Variants in DOCK11 observed in about 807,000 individuals in gnomAD.
DOCK11 encodes dedicator of cytokinesis protein 11.
A neutral mutation model predicts 169.1 loss-of-function variants in DOCK11; 70 were observed. The observed-to-expected ratio is 0.41, with a 90% CI of 0.34 to 0.51. The LOEUF (loss-of-function observed/expected upper bound fraction) is 0.51. DOCK11 is among the 20% of genes least tolerant of loss of function. The pLI is 0.10. For missense variants in DOCK11, 1,166 were observed against 1,538.8 expected, an observed-to-expected ratio of 0.76 and a Z score of 4.05; for synonymous variants, 529 against 541.3, an observed-to-expected ratio of 0.98 and a Z score of 0.32.
chrX:118,647,213 A>C (rs2015700343), intron 40 of DOCK11, among the ~76,000 whole-genome samples: 1 of 105,210 alleles, frequency 9.5e-6, no homozygotes, highest in South Asian at 4.2e-4. Context: ...ATTTGTTAAA[A>C]GATGAACTTC....
chrX:118,653,605 G>A (rs1265056563), intron 42 of DOCK11, among the ~76,000 whole-genome samples: 1 of 110,784 alleles, frequency 9.0e-6, no homozygotes, highest in East Asian at 2.8e-4. Context: ...ATAGAAATGG[G>A]ATTTCACCAT....
At chrX:118,568,370 TTATATATATA>T (rs397839351) in intron 10 of DOCK11, among the ~76,000 whole-genome samples, 582 of 36,639 alleles carry the variant, frequency 0.016, 5 homozygotes, top group South Asian at 0.053. Context: ...TGGGGCTGAA[TTATATATATA>T]TATATATATA....
intron 28 of DOCK11, among the ~76,000 whole-genome samples, chrX:118,610,635 T>C (rs2014659747): frequency 8.9e-6 from 1 of 112,116 alleles, no homozygotes; most frequent in Non-Finnish European, 1.9e-5. Flanking sequence ...CTTTTGGGTA[T>C]ACATCTAAGA....
At chrX:118,514,994 C>T (rs1031962340) in intron 1 of DOCK11, among the ~76,000 whole-genome samples, 3 of 112,006 alleles carry the variant, frequency 2.7e-5, no homozygotes, top group Non-Finnish European at 5.6e-5. Flanking sequence ...CTAGGCCTCA[C>T]TCCTTCAGGA....
chrX:118,645,120 C>T (rs1439394505), intron 40 of DOCK11, among the ~76,000 whole-genome samples: 6 of 111,653 alleles, frequency 5.4e-5, no homozygotes, highest in Admixed American at 9.5e-5. Context: ...AGGGGAAAGA[C>T]TACATTTGCA....
intron 4 of DOCK11, among the ~76,000 whole-genome samples, chrX:118,544,107 T>C (rs2012148954): frequency 8.9e-6 from 1 of 112,577 alleles, no homozygotes; most frequent in Non-Finnish European, 1.9e-5. Context: ...GAGCTCACTT[T>C]TTGGCTTTAG....
Position 118,573,593 on chromosome X carries a change from A to G in DOCK11, c.1177-213A>G, listed in dbSNP as rs190289632. 4.4e-3 allele frequency among the ~76,000 whole-genome samples: 497 copies of G among 111,873 alleles called. 2 individuals carry two copies. Among genetic ancestry groups the G allele is most frequent in the African/African-American group, 0.015 (465 of 30,825 alleles). On this transcript the variant is annotated intron_variant, in intron 11 of 52. Transcript: ENST00000276202. ...TAACTTGTGAAATTATCTACACCTG[A>G]CGGAAGTTAAAATTTGATGAAGTCT...
At chrX:118,570,363 C>T (rs893473056) in intron 10 of DOCK11, among the ~76,000 whole-genome samples, 2 of 112,126 alleles carry the variant, frequency 1.8e-5, no homozygotes, top group Non-Finnish European at 1.9e-5. Context: ...ATTCTACTGT[C>T]TGAGTAACAC....
intron 1 of DOCK11, among the ~76,000 whole-genome samples, 179 bp from the exon 2 acceptor site, chrX:118,542,538 GTGTGTGTA>G (rs2012062175): frequency 9.1e-6 from 1 of 110,327 alleles, no homozygotes; most frequent in African/African-American, 3.3e-5. Flanking sequence ...GTGTGTGTGT[GTGTGTGTA>G]TGTGTTTGTG....
At chrX:118,632,998 A>T (rs1437430779) in intron 35 of DOCK11, 12 of 42,795 alleles carry the variant, frequency 2.8e-4, no homozygotes, top group Admixed American at 5.4e-4. Flanking sequence ...GGTGGGGGGG[A>T]TGGGGAAGCT....
chrX:118,614,603 C>T, intron 28 of DOCK11, 89 bp from the exon 29 acceptor site: 4 of 661,303 alleles, frequency 6.0e-6, no homozygotes, highest in East Asian at 3.6e-5. Flanking sequence ...TGTGTGGAAC[C>T]AATTTTGAAT....
chrX:118,528,095 C>T (rs747477320), intron 1 of DOCK11, among the ~76,000 whole-genome samples: 11 of 112,487 alleles, frequency 9.8e-5, no homozygotes, highest in Non-Finnish European at 1.7e-4. Flanking sequence ...CCATTGTTAT[C>T]GTAAGAGAGA....
Position 118,517,491 on chromosome X carries a change from C to T in DOCK11, c.102+21418C>T, listed in dbSNP as rs759903127. On this transcript the variant is annotated intron_variant, in intron 1 of 52. Coordinates refer to ENST00000276202, the MANE Select transcript of DOCK11 (RefSeq NM_144658.4). ...TAAAAACATTAATTCATTTATTTTACTCTGAGCATTATTATTTTTATAAAC... is the reference window on the plus strand; with the variant it reads ...TAAAAACATTAATTCATTTATTTTATTCTGAGCATTATTATTTTTATAAAC... Among the ~76,000 whole-genome samples the T allele has an allele frequency of 1.7e-4, 19 of 109,805 alleles. 1 individual carries two copies. The highest frequency in any genetic ancestry group is 9.9e-5 in the Admixed American group (1 of 10,062).
At chrX:118,631,145 C>T (rs1486405991) in intron 35 of DOCK11, among the ~76,000 whole-genome samples, 1 of 110,355 alleles carries the variant, frequency 9.1e-6, no homozygotes, top group Admixed American at 9.7e-5. Context: ...ACAGTTCCCT[C>T]CCTTCTCTTC....
At chrX:118,618,482 C>T in intron 30 of DOCK11, 68 bp from the exon 31 acceptor site, 2 of 796,867 alleles carry the variant, frequency 2.5e-6, no homozygotes, top group Non-Finnish European at 1.8e-6. Flanking sequence ...TTAAATAATA[C>T]AGTATTTTAA....
intron 1 of DOCK11, among the ~76,000 whole-genome samples, chrX:118,536,052 A>C (rs1410345915): frequency 8.9e-6 from 1 of 111,979 alleles, no homozygotes; most frequent in African/African-American, 3.2e-5. Context: ...TCATGCCAGC[A>C]CTTTGGGAGG....
intron 48 of DOCK11, among the ~76,000 whole-genome samples, chrX:118,678,416 G>C (rs2016660128): frequency 9.0e-6 from 1 of 111,108 alleles, no homozygotes; most frequent in Non-Finnish European, 1.9e-5. Flanking sequence ...AAGCATGAGA[G>C]ATTTGTAAGT....
chrX:118,583,600 G>T lies in DOCK11; in HGVS notation c.1596-1135G>T, dbSNP rs1353106012. ...TGTTTTCCATTTTAGCAGCAGAATA[G>T]TTGCTTAAAAATGGGAGAAGAGGAG... On this transcript the variant is annotated intron_variant, in intron 14 of 52. Coordinates refer to ENST00000276202, the MANE Select transcript of DOCK11 (RefSeq NM_144658.4). Among the ~76,000 whole-genome samples, 4 of 110,579 alleles carry T rather than the reference G, an allele frequency of 3.6e-5. 1 individual carries two copies. Among genetic ancestry groups the T allele is most frequent in the Admixed American group, 2.9e-4 (3 of 10,341 alleles).
At chrX:118,563,753 A>G (rs1238639504) in intron 7 of DOCK11, among the ~76,000 whole-genome samples, 1 of 104,909 alleles carries the variant, frequency 9.5e-6, no homozygotes, top group East Asian at 2.9e-4. Flanking sequence ...TATGTTGCCC[A>G]GGCTGGAGTG....
Sources: gnomAD v4.1 joint callset for allele counts (sites outside exome capture counted in the v4.1 genomes callset) on GRCh38, gnomAD v4.1.1 for gene constraint, MANE v1.5 for transcripts, NCBI Gene and HGNC (gene_info 2026-07-23, HGNC 2026-07-21) for gene names.